Variants in PHLDB1 observed in about 807,000 individuals in gnomAD.
PHLDB1 encodes pleckstrin homology-like domain family B member 1.
A neutral mutation model predicts 139.3 loss-of-function variants in PHLDB1; 65 were observed. That is an observed-to-expected ratio of 0.47 (90% CI 0.38 to 0.57). The LOEUF is 0.57. Ranked by LOEUF, PHLDB1 falls within the 20% of genes least tolerant of loss-of-function variation. PHLDB1 has a pLI of 0.00. For synonymous variants in PHLDB1, 679 were observed against 734.5 expected (o/e 0.92, Z 1.22); for missense variants, 1,624 against 1,839.7 (o/e 0.88, Z 2.14).
intron 6 of PHLDB1, among the ~76,000 whole-genome samples, chr11:118,630,911 A>G (rs1486527864): frequency 4.6e-5 from 7 of 151,432 alleles, no homozygotes; most frequent in Non-Finnish European, 1.0e-4. Flanking sequence ...GGTAGACTGA[A>G]AAAAGAAAGG....
intron 18 of PHLDB1, among the ~76,000 whole-genome samples, chr11:118,648,860 T>G (rs1396815819): frequency 3.9e-5 from 6 of 152,158 alleles, no homozygotes; most frequent in African/African-American, 1.4e-4. Flanking sequence ...CCCTTCTGAT[T>G]AGTAGGCTTC....
In PHLDB1 at chr11:118,627,327, TG is replaced by T. The variant is rs1249264493; in HGVS notation, c.507del (p.Asn170ThrfsTer21). The T allele has an allele frequency of 6.2e-7, 1 of 1,613,528 alleles. No homozygotes were observed. The highest frequency in any genetic ancestry group is 8.5e-7 in the Non-Finnish European group (1 of 1,179,870). On this transcript the variant is annotated frameshift_variant, in exon 6 of 23. Transcript: ENST00000600882. LOFTEE classifies it high-confidence loss of function. ...CAGCAGAATCAGAAAGTCTGGTAAATGGGAACCACACCCCACAGACTGCAAC... is the reference window on the plus strand; with the variant it reads ...CAGCAGAATCAGAAAGTCTGGTAAATGGAACCACACCCCACAGACTGCAAC... ...VPAESESLVN[G>X]NHTPQTATRG...
In PHLDB1 at chr11:118,610,449, C is replaced by T; in HGVS notation, c.-22+2750C>T. The T allele has an allele frequency of 1.0e-6, 1 of 985,426 alleles. No homozygotes were observed. Among genetic ancestry groups the T allele is most frequent in the Non-Finnish European group, 1.2e-6 (1 of 829,910 alleles). 61.0% of individuals were successfully genotyped at this position (985,426 alleles called of 1,614,324 possible). A position where few individuals can be genotyped will look rare whatever the true frequency, so the allele number is the denominator to read the frequency against. On this transcript the variant is annotated intron_variant, in intron 1 of 22. Coordinates refer to ENST00000600882, the MANE Select transcript of PHLDB1 (RefSeq NM_001144758.3). This position sits in a 1 kb window ranked among gnomAD's most constrained non-coding sequence, Gnocchi z 8.7. Reference sequence around the variant, plus strand: ...GGCGAAGGCGGCGGCCGAGAGGACCCCAGCTCGGCCTGGCGGGCCTCTGGC... The same window carrying T: ...GGCGAAGGCGGCGGCCGAGAGGACCTCAGCTCGGCCTGGCGGGCCTCTGGC...
chr11:118,624,791 G>A (rs868919831), intron 4 of PHLDB1, 143 bp from the exon 5 acceptor site: 5 of 720,382 alleles, frequency 6.9e-6, no homozygotes, highest in Non-Finnish European at 9.3e-6. Context: ...TGTATTTTTA[G>A]TAGAGACGGG....
intron 12 of PHLDB1, 151 bp from the exon 13 acceptor site, chr11:118,642,103 G>A (rs782602925): frequency 4.0e-6 from 3 of 748,396 alleles, no homozygotes; most frequent in African/African-American, 1.7e-5. Flanking sequence ...CCATTTCCCT[G>A]ATGTGGCCTT....
At chr11:118,623,874 T>TTGTG (rs3222268) in intron 4 of PHLDB1, among the ~76,000 whole-genome samples, 62 of 141,284 alleles carry the variant, frequency 4.4e-4, no homozygotes, top group African/African-American at 6.7e-4. Flanking sequence ...CTCTGAACAT[T>TTGTG]TGTGTGTGTG....
At position 118,636,738 on chromosome 11, in the gene PHLDB1, T is replaced by G. The variant is rs960020421; in HGVS notation, c.2535+1190T>G. The G allele has an allele frequency of 2.6e-5, 4 of 152,234 alleles. No individual in the cohort carries two copies. The South Asian group carries it at 8.3e-4, about 31-fold the overall frequency. The allele number at this position is 152,234 out of a possible 1,614,324, so 9.4% of individuals were successfully genotyped here. On this transcript the variant is annotated intron_variant, in intron 10 of 22. Transcript: ENST00000600882. The stretch of plus-strand genomic sequence containing the variant: ...GGCCCAAATCCCACGTTCCTTCGAC[T>G]GTACTGCACTGAGGCTAGGGGCGGG...
chr11:118,655,340 T>G, intron 20 of PHLDB1: 1 of 339,300 alleles, frequency 2.9e-6, no homozygotes, highest in Non-Finnish European at 5.5e-6. Flanking sequence ...GTGTGCTGTA[T>G]ATTTGTTGTA....
chr11:118,618,686 A>T (rs1266105767), intron 4 of PHLDB1, among the ~76,000 whole-genome samples: 1 of 151,962 alleles, frequency 6.6e-6, no homozygotes, highest in Non-Finnish European at 1.5e-5. Flanking sequence ...GTGAGCATAT[A>T]TACAAGACGA....
At position 118,651,218 on chromosome 11, in the gene PHLDB1, A is replaced by G. The variant is rs539914986; in HGVS notation, c.3874+671A>G. On this transcript the variant is annotated intron_variant, in intron 20 of 22. Transcript: ENST00000600882. ...AAAATCCCAGTGGCTGGACAGGTGC[A>G]GTGGCTCACACCTGTGATCCCAAAA... 1.3e-3 allele frequency: 202 copies of G among 152,594 alleles called. 1 individual carries two copies. The highest frequency in any genetic ancestry group is 2.4e-3 in the Non-Finnish European group (165 of 68,240). 9.5% of individuals were successfully genotyped at this position (152,594 alleles called of 1,614,324 possible). A position where few individuals can be genotyped will look rare whatever the true frequency, so the allele number is the denominator to read the frequency against.
At chr11:118,624,811 C>G in intron 4 of PHLDB1, 123 bp from the exon 5 acceptor site, 1 of 926,234 alleles carries the variant, frequency 1.1e-6, no homozygotes, top group South Asian at 1.4e-5. Context: ...GACTTCACCA[C>G]ATTGGCCAGG....
At chr11:118,635,806 G>C (rs782444435) in intron 10 of PHLDB1, among the ~76,000 whole-genome samples, 6 of 152,236 alleles carry the variant, frequency 3.9e-5, no homozygotes, top group Non-Finnish European at 5.9e-5. Context: ...AGTGGATTCT[G>C]CTCCCATTCA....
intron 12 of PHLDB1, chr11:118,641,583 T>C (rs1463733712): frequency 1.6e-6 from 2 of 1,246,152 alleles, no homozygotes; most frequent in African/African-American, 1.5e-5. Flanking sequence ...TAACCTCTTA[T>C]ATTCCCTCCT....
In PHLDB1 at chr11:118,620,214, C is replaced by T. The variant is rs189294282; in HGVS notation, c.355+4003C>T. 2.6e-5 allele frequency among the ~76,000 whole-genome samples: 4 copies of T among 152,338 alleles called. No individual in the cohort carries two copies. The highest frequency in any genetic ancestry group is 2.6e-4 in the Admixed American group (4 of 15,308). On this transcript the variant is annotated intron_variant, in intron 4 of 22. Transcript: ENST00000600882. This position sits in a 1 kb window ranked among gnomAD's most constrained non-coding sequence, Gnocchi z 4.1. ...GGTAGGTATTAATACCTGACTGGGC[C>T]GGGTGCAGTGGCTCACGCCTGTAAT...
chr11:118,627,166 G>C (rs1338908069), intron 5 of PHLDB1, 139 bp from the exon 6 acceptor site: 1 of 792,004 alleles, frequency 1.3e-6, no homozygotes, highest in Non-Finnish European at 2.0e-6. Flanking sequence ...GGCAGAGCTA[G>C]CTGGTACCAG....
At chr11:118,621,984 G>T (rs1591517717) in intron 4 of PHLDB1, among the ~76,000 whole-genome samples, 1 of 152,202 alleles carries the variant, frequency 6.6e-6, no homozygotes, top group South Asian at 2.1e-4. Context: ...GAGAGTGTGT[G>T]AGCATGTACG....
Position 118,655,510 on chromosome 11 carries a change from C to T in PHLDB1, c.3875-95C>T, listed in dbSNP as rs562622350. 185 of 765,106 alleles carry T rather than the reference C, an allele frequency of 2.4e-4. No individual in the cohort carries two copies. The African/African-American group carries it at 2.8e-3, about 12-fold the overall frequency. 47.4% of individuals were successfully genotyped at this position (765,106 alleles called of 1,614,324 possible). ...GGAGACTAGGATCTTCACCCCATTT[C>T]CCAGATTTGGAAGCTCAGGCCATGG... On this transcript the variant is annotated intron_variant, in intron 20 of 22. Transcript: ENST00000600882.
intron 20 of PHLDB1, chr11:118,652,983 T>C (rs1286100937): frequency 6.6e-6 from 1 of 152,398 alleles, no homozygotes; most frequent in Non-Finnish European, 1.5e-5. Context: ...TGATGGATGC[T>C]GCAGGAAGGC....
chr11:118,618,362 T>C (rs192528633), intron 4 of PHLDB1, among the ~76,000 whole-genome samples: 1 of 152,108 alleles, frequency 6.6e-6, no homozygotes, highest in Admixed American at 6.5e-5. Context: ...TTGTCTCATC[T>C]CTGGAGCAAG....
Sources: allele counts gnomAD v4.1 joint callset (sites outside exome capture counted in the v4.1 genomes callset), GRCh38; gene constraint gnomAD v4.1.1; non-coding constraint Gnocchi (gnomAD v3.1); transcripts MANE v1.5; gene names NCBI Gene and HGNC (gene_info 2026-07-23, HGNC 2026-07-21).